THSD7A: variants seen among roughly 807,000 people sequenced by gnomAD.
THSD7A encodes the protein thrombospondin type-1 domain-containing protein 7A.
In THSD7A, 96 loss-of-function variants were observed where a neutral mutation model predicts 231.3. That is an observed-to-expected ratio of 0.41 (90% confidence interval 0.35 to 0.49). The LOEUF (loss-of-function observed/expected upper bound fraction) is 0.49. Ranked by LOEUF, THSD7A falls within the 20% of genes least tolerant of loss-of-function variation. The pLI, the probability that THSD7A is intolerant of heterozygous loss-of-function variation, is 0.05. For synonymous variants in THSD7A, 940 were observed against 743.3 expected, an observed-to-expected ratio of 1.26 and a Z score of -4.30; for missense variants, 2,290 against 2,070.2, an observed-to-expected ratio of 1.11 and a Z score of -2.06.
intron 4 of THSD7A, among the ~76,000 whole-genome samples, chr7:11,566,176 T>C (rs10279701): frequency 0.52 from 79,523 of 152,116 alleles, 20,951 homozygotes; most frequent in Middle Eastern, 0.67. Flanking sequence ...TGCAGCTTTC[T>C]GGAATGTGGC....
At chr7:11,739,241 A>G (rs1782022863) in intron 1 of THSD7A, among the ~76,000 whole-genome samples, 1 of 152,012 alleles carries the variant, frequency 6.6e-6, no homozygotes, top group South Asian at 2.1e-4. Flanking sequence ...ACATGACATA[A>G]ATTTAGATAG....
intron 13 of THSD7A, among the ~76,000 whole-genome samples, chr7:11,445,410 C>T (rs892181688): frequency 3.3e-5 from 5 of 152,024 alleles, no homozygotes; most frequent in African/African-American, 1.2e-4. Flanking sequence ...CTTTTGGCAA[C>T]ACAATTATAA....
At chr7:11,559,137 T>C (rs1583972928) in intron 4 of THSD7A, among the ~76,000 whole-genome samples, 1 of 152,258 alleles carries the variant, frequency 6.6e-6, no homozygotes, top group African/African-American at 2.4e-5. Flanking sequence ...TCTCAGTCTT[T>C]GAACTCGAAG....
chr7:11,744,819 AT>A (rs1782230056), intron 1 of THSD7A, among the ~76,000 whole-genome samples: 1 of 151,758 alleles, frequency 6.6e-6, no homozygotes, highest in South Asian at 2.1e-4. Flanking sequence ...TATGTGCCAC[AT>A]TTTCTTAATC....
intron 1 of THSD7A, among the ~76,000 whole-genome samples, chr7:11,653,929 T>C (rs1584153410): frequency 6.6e-6 from 1 of 151,972 alleles, no homozygotes; most frequent in Admixed American, 6.6e-5. Flanking sequence ...TAATAGTTTA[T>C]TGATTATTAT....
At chr7:11,562,106 A>G (rs917998902) in intron 4 of THSD7A, among the ~76,000 whole-genome samples, 1 of 152,202 alleles carries the variant, frequency 6.6e-6, no homozygotes, top group African/African-American at 2.4e-5. Flanking sequence ...CCAGTGCAGA[A>G]TCTGGTAGAG....
intron 1 of THSD7A, among the ~76,000 whole-genome samples, chr7:11,751,575 C>A (rs1782503957): frequency 6.6e-6 from 1 of 151,924 alleles, no homozygotes; most frequent in African/African-American, 2.4e-5. Flanking sequence ...AAAATGGTAA[C>A]ATTAGTAAAA....
chr7:11,398,131 CA>C (rs1347448614), intron 23 of THSD7A, among the ~76,000 whole-genome samples: 1 of 152,104 alleles, frequency 6.6e-6, no homozygotes, highest in Non-Finnish European at 1.5e-5. Flanking sequence ...GACTTGGAAC[CA>C]ACCCAAATGC....
intron 1 of THSD7A, among the ~76,000 whole-genome samples, chr7:11,826,926 A>G (rs1262808648): frequency 1.3e-5 from 2 of 152,116 alleles, no homozygotes; most frequent in African/African-American, 4.8e-5. Context: ...ATGCTTCCCA[A>G]TTATTCACAC....
At chr7:11,614,870 A>G (rs2526106) in intron 2 of THSD7A, among the ~76,000 whole-genome samples, 72,010 of 151,996 alleles carry the variant, frequency 0.47, 17,770 homozygotes, top group East Asian at 0.6. Context: ...GCAGTGACTA[A>G]TGAGACTTTG....
At chr7:11,376,867 C>T (rs1366786958) in intron 26 of THSD7A, 1 of 380,374 alleles carries the variant, frequency 2.6e-6, no homozygotes, top group African/African-American at 2.1e-5. Context: ...GAAAACTGAA[C>T]TGAAAAATTA....
intron 6 of THSD7A, among the ~76,000 whole-genome samples, chr7:11,490,569 G>C (rs903977390): frequency 2.6e-5 from 4 of 152,074 alleles, no homozygotes; most frequent in African/African-American, 9.7e-5. Context: ...TGAGTGTACA[G>C]TATGGGTATA....
Position 11,519,210 on chromosome 7 carries a change from C to A in THSD7A, c.1822+22209G>T, listed in dbSNP as rs1379687297. Among the ~76,000 whole-genome samples, 3 of 152,096 alleles carry A rather than the reference C, an allele frequency of 2.0e-5. No individual in the cohort carries two copies. In the East Asian group the frequency reaches 5.8e-4, roughly 29 times the overall value. ...ATCACAAAGCAAACACCTGGGTAAT[C>A]GCTTTGCAGATCACAAAAGAGAGCA... On this transcript the variant is annotated intron_variant, in intron 6 of 27. Coordinates refer to ENST00000423059, the MANE Select transcript of THSD7A (RefSeq NM_015204.3).
intron 6 of THSD7A, among the ~76,000 whole-genome samples, chr7:11,521,173 T>C (rs1056450847): frequency 3.9e-5 from 6 of 152,088 alleles, no homozygotes; most frequent in African/African-American, 1.2e-4. Context: ...GACATATATA[T>C]ATGAATACAT....
At chr7:11,627,470 C>T (rs1049149411) in intron 2 of THSD7A, among the ~76,000 whole-genome samples, 1 of 151,810 alleles carries the variant, frequency 6.6e-6, no homozygotes, top group African/African-American at 2.4e-5. Context: ...CACACATTTC[C>T]TGAGAAAACC....
At chr7:11,546,561 C>T (rs550664274) in intron 4 of THSD7A, among the ~76,000 whole-genome samples, 6 of 152,268 alleles carry the variant, frequency 3.9e-5, no homozygotes, top group Admixed American at 3.9e-4. Flanking sequence ...AAGCAATAAG[C>T]CACATTCAAC....
At chr7:11,587,655 T>C (rs1241454431) in intron 4 of THSD7A, among the ~76,000 whole-genome samples, 1 of 152,192 alleles carries the variant, frequency 6.6e-6, no homozygotes, top group African/African-American at 2.4e-5. Context: ...TTTTGGAAAT[T>C]AAATGTATTA....
At chr7:11,661,755 A>C (rs1782939070) in intron 1 of THSD7A, among the ~76,000 whole-genome samples, 2 of 151,296 alleles carry the variant, frequency 1.3e-5, no homozygotes, top group East Asian at 1.9e-4. Context: ...AAGAAATAAA[A>C]ACTGAACAGG....
At chr7:11,653,796 C>T (rs1027716091) in intron 1 of THSD7A, among the ~76,000 whole-genome samples, 4 of 151,846 alleles carry the variant, frequency 2.6e-5, no homozygotes, top group South Asian at 2.1e-4. Context: ...GAAAACCCAT[C>T]GTAGTCATGT....
Sources: gnomAD v4.1 joint callset for allele counts (sites outside exome capture counted in the v4.1 genomes callset) on GRCh38, gnomAD v4.1.1 for gene constraint, MANE v1.5 for transcripts, NCBI Gene and HGNC (gene_info 2026-07-23, HGNC 2026-07-21) for gene names.